Variants in TNS3 observed in about 807,000 individuals in gnomAD.
TNS3 encodes tensin 3.
In TNS3, 45 loss-of-function variants were observed where a neutral mutation model predicts 140.9. That is an observed-to-expected ratio of 0.32 (90% CI 0.25 to 0.41). The LOEUF is 0.41. Among genes scored for constraint, TNS3 ranks in the 10% least tolerant of loss-of-function variants. The probability of loss-of-function intolerance (pLI) is 1.00; values close to 1 mark genes in which losing one functional copy is unlikely to be tolerated. For missense variants in TNS3, 1,716 were observed against 1,906.7 expected (o/e 0.90, Z 1.86); for synonymous variants, 815 against 788.4 (o/e 1.03, Z -0.56).
intron 4 of TNS3, among the ~76,000 whole-genome samples, chr7:47,475,603 G>A (rs1191190517): frequency 1.3e-5 from 2 of 152,244 alleles, no homozygotes; most frequent in African/African-American, 2.4e-5. Context: ...GCGGGGAAGT[G>A]GGTCCCATAC....
At chr7:47,375,976 G>A (rs2151190418) in intron 16 of TNS3, among the ~76,000 whole-genome samples, 1 of 152,330 alleles carries the variant, frequency 6.6e-6, no homozygotes, top group Non-Finnish European at 1.5e-5. Context: ...CTATTTTTGT[G>A]ACAGGTGTGC....
intron 12 of TNS3, among the ~76,000 whole-genome samples, chr7:47,412,910 T>C (rs1364330195): frequency 6.6e-6 from 1 of 152,214 alleles, no homozygotes; most frequent in Non-Finnish European, 1.5e-5. Flanking sequence ...TACAGGAGAA[T>C]GCTCATGGGT....
In TNS3 at chr7:47,276,324, A is replaced by G. The variant is rs188662623; in HGVS notation, c.*1752T>C. 1 of 154,794 alleles carries G rather than the reference A, an allele frequency of 6.5e-6. No homozygotes were observed. The highest frequency in any genetic ancestry group is 1.4e-5 in the Non-Finnish European group (1 of 69,442). The allele number at this position is 154,794 out of a possible 1,614,324, so 9.6% of individuals were successfully genotyped here. On this transcript the variant is annotated 3_prime_UTR_variant, in exon 31 of 31. Transcript: ENST00000311160. The stretch of plus-strand genomic sequence containing the variant: ...CACACACGCATACACGCACGCATGC[A>G]CACACGCACACACACACAACACCCA...
intron 22 of TNS3, 65 bp from the exon 23 acceptor site, chr7:47,302,337 G>T: frequency 1.5e-6 from 2 of 1,317,734 alleles, no homozygotes; most frequent in Non-Finnish European, 1.1e-6. Flanking sequence ...CCTCTCATCT[G>T]CTGTGATCCC....
chr7:47,392,894 C>T (rs1792610094), intron 16 of TNS3, among the ~76,000 whole-genome samples: 1 of 152,248 alleles, frequency 6.6e-6, no homozygotes, highest in Non-Finnish European at 1.5e-5. Context: ...CCTGGGGATT[C>T]TGCAGAACTT....
intron 2 of TNS3, among the ~76,000 whole-genome samples, chr7:47,512,376 T>G (rs1798641555): frequency 6.6e-6 from 1 of 152,220 alleles, no homozygotes. Context: ...TGGCACACAT[T>G]TCCCCTTCTG....
chr7:47,309,136 T>A (rs1786930991), intron 20 of TNS3, among the ~76,000 whole-genome samples: 1 of 152,232 alleles, frequency 6.6e-6, no homozygotes, highest in Non-Finnish European at 1.5e-5. Context: ...GGGATCGTTG[T>A]CTTTCACTGC....
Position 47,289,414 on chromosome 7 carries a change from C to T in TNS3, c.3928+2541G>A, listed in dbSNP as rs74748669. Among the ~76,000 whole-genome samples, 1,440 of 152,304 alleles carry T rather than the reference C, an allele frequency of 9.5e-3. 79 individuals carry two copies. The highest frequency in any genetic ancestry group is 0.074 in the Admixed American group (1,127 of 15,298). On this transcript the variant is annotated intron_variant, in intron 27 of 30. Coordinates refer to ENST00000311160, the MANE Select transcript of TNS3 (RefSeq NM_022748.12). ...CCCACTGTCCTCTCTAGCTGTGTCC[C>T]TCCCTCATGGCCACAGAACCACAAG...
intron 1 of TNS3, among the ~76,000 whole-genome samples, chr7:47,533,123 A>ATATATATTTTTTTTT (rs1186427934): frequency 1.1e-5 from 1 of 88,818 alleles, no homozygotes; most frequent in African/African-American, 6.2e-5. Flanking sequence ...ATATATATAT[A>ATATATATTTTTTTTT]TTTTTTTTTT....
intron 1 of TNS3, among the ~76,000 whole-genome samples, chr7:47,551,515 T>C (rs1363721067): frequency 6.6e-6 from 1 of 152,144 alleles, no homozygotes; most frequent in African/African-American, 2.4e-5. Flanking sequence ...AGGGGAGCCT[T>C]TGGCTGGGTC....
chr7:47,344,289 T>C (rs891504122), intron 20 of TNS3, among the ~76,000 whole-genome samples: 1 of 152,088 alleles, frequency 6.6e-6, no homozygotes, highest in African/African-American at 2.4e-5. Flanking sequence ...ACAGAGCCCC[T>C]GAGTTCCTGC....
At chr7:47,367,005 A>G (rs191279001) in intron 17 of TNS3, among the ~76,000 whole-genome samples, 17 of 152,306 alleles carry the variant, frequency 1.1e-4, no homozygotes, top group Admixed American at 3.3e-4. Context: ...CAGCCCCCAG[A>G]TGGCAAAACA....
At chr7:47,564,369 G>A (rs1800380746) in intron 1 of TNS3, among the ~76,000 whole-genome samples, 1 of 151,948 alleles carries the variant, frequency 6.6e-6, no homozygotes, top group South Asian at 2.1e-4. Context: ...TGGGCGTGGT[G>A]ACTCATGCCT....
intron 2 of TNS3, among the ~76,000 whole-genome samples, chr7:47,525,325 C>A (rs1419914337): frequency 6.6e-6 from 1 of 152,220 alleles, no homozygotes; most frequent in Non-Finnish European, 1.5e-5. Context: ...ACGGGGCCAC[C>A]ACACTGGGCT....
At chr7:47,370,412 G>A (rs1356682575) in intron 16 of TNS3, among the ~76,000 whole-genome samples, 2 of 152,238 alleles carry the variant, frequency 1.3e-5, no homozygotes, top group African/African-American at 4.8e-5. Context: ...TAGGTGCCGG[G>A]TGAATGTCTC....
chr7:47,509,954 C>T (rs1446302011), intron 2 of TNS3, among the ~76,000 whole-genome samples: 1 of 152,216 alleles, frequency 6.6e-6, no homozygotes, highest in Non-Finnish European at 1.5e-5. Flanking sequence ...CAGGGTCTCA[C>T]AATAGCAGCA....
intron 4 of TNS3, among the ~76,000 whole-genome samples, chr7:47,442,707 A>G (rs1384628578): frequency 6.6e-6 from 1 of 152,164 alleles, no homozygotes; most frequent in East Asian, 1.9e-4. Context: ...TGAATGGGGA[A>G]ACCCAGACAC....
intron 16 of TNS3, among the ~76,000 whole-genome samples, chr7:47,393,588 T>G (rs1035481116): frequency 6.6e-6 from 1 of 152,116 alleles, no homozygotes; most frequent in Non-Finnish European, 1.5e-5. Context: ...GGGGTGCTCA[T>G]GGGCTTCAGA....
At chr7:47,361,214 A>AAAAAAAAAAAAAAAAAAAAAC (rs1465961690) in intron 17 of TNS3, among the ~76,000 whole-genome samples, 1 of 146,220 alleles carries the variant, frequency 6.8e-6, no homozygotes, top group Non-Finnish European at 1.5e-5. Flanking sequence ...GCCAAAAAAA[A>AAAAAAAAAAAAAAAAAAAAAC]AAAAAAAAAA....
Sources: allele counts gnomAD v4.1 joint callset (sites outside exome capture counted in the v4.1 genomes callset), GRCh38; gene constraint gnomAD v4.1.1; transcripts MANE v1.5; gene names NCBI Gene and HGNC (gene_info 2026-07-23, HGNC 2026-07-21).